Variants in KCNQ1OT1 observed in about 807,000 individuals in gnomAD.
KCNQ1OT1 encodes the protein KCNQ1 antisense RNA 2 (non-protein coding).
chr11:2,648,772 A>G, exon 1 of KCNQ1OT1: 1 of 398,488 alleles, frequency 2.5e-6, no homozygotes. Context: ...ATATTTTTCC[A>G]TCCAAATGAA....
Position 2,645,062 on chromosome 11 carries a change from G to GCATTGGCC in KCNQ1OT1, n.54932_54933insGGCCAATG. On this transcript the variant is annotated non_coding_transcript_exon_variant, in exon 1 of 1. Coordinates refer to ENST00000597346, the Ensembl canonical transcript of KCNQ1OT1. The surrounding 1 kb of genome is among the most constrained non-coding windows in gnomAD (Gnocchi z 5.8). ...ACTTGCTCAGGTGCCAATGATGACAGAGCTGGGCCACAGGGTGGGTAGGTC... is the reference window on the plus strand; with the variant it reads ...ACTTGCTCAGGTGCCAATGATGACAGCATTGGCCAGCTGGGCCACAGGGTGGGTAGGTC... 2.5e-6 allele frequency: 1 copy of GCATTGGCC among 398,804 alleles called. No individual in the cohort carries two copies. The highest frequency in any genetic ancestry group is 4.4e-6 in the Non-Finnish European group (1 of 226,180). 24.7% of individuals were successfully genotyped at this position (398,804 alleles called of 1,614,324 possible).
At chr11:2,667,738 T>C (rs1348217587) in exon 1 of KCNQ1OT1, 3 of 398,234 alleles carry the variant, frequency 7.5e-6, no homozygotes, top group Non-Finnish European at 1.3e-5. Flanking sequence ...AGTGAGGGAG[T>C]GGGATGGGGC....
At chr11:2,629,581 A>G (rs2133814357) in exon 1 of KCNQ1OT1, 1 of 398,492 alleles carries the variant, frequency 2.5e-6, no homozygotes, top group Non-Finnish European at 4.4e-6. Flanking sequence ...CATTTGTTGA[A>G]AAGAGAATCC....
exon 1 of KCNQ1OT1, chr11:2,619,577 T>G (rs910656170): frequency 5.0e-6 from 2 of 398,436 alleles, no homozygotes; most frequent in Non-Finnish European, 8.8e-6. Context: ...CAATATTTTA[T>G]TAAGGATTTT....
At chr11:2,672,875 T>G (rs1330056238) in exon 1 of KCNQ1OT1, 4 of 398,636 alleles carry the variant, frequency 1.0e-5, no homozygotes, top group Non-Finnish European at 1.8e-5. Context: ...CCTAGCCACC[T>G]GACTGTCAGG....
Position 2,664,271 on chromosome 11 carries a change from T to C in KCNQ1OT1, n.35724A>G, listed in dbSNP as rs1241669438. Reference sequence around the variant, plus strand: ...ACTGGGAGAGGGAAAAACAAGGAGGTTGCTGCAAAGGGGCCACCTTGAGGC... The same window carrying C: ...ACTGGGAGAGGGAAAAACAAGGAGGCTGCTGCAAAGGGGCCACCTTGAGGC... On this transcript the variant is annotated non_coding_transcript_exon_variant, in exon 1 of 1. Coordinates refer to ENST00000597346, the Ensembl canonical transcript of KCNQ1OT1. The surrounding 1 kb of genome is among the most constrained non-coding windows in gnomAD (Gnocchi z 5.1). The C allele has an allele frequency of 1.0e-5, 4 of 398,642 alleles. No homozygotes were observed. In the South Asian group the frequency reaches 3.8e-4, roughly 38 times the overall value. The allele number at this position is 398,642 out of a possible 1,614,324, so 24.7% of individuals were successfully genotyped here.
At chr11:2,675,959 A>T (rs762090404) in exon 1 of KCNQ1OT1, 21 of 398,544 alleles carry the variant, frequency 5.3e-5, no homozygotes, top group Middle Eastern at 6.2e-4. Context: ...TTCAGAGTAC[A>T]AAAGGGGTGA....
exon 1 of KCNQ1OT1, chr11:2,633,864 C>G: frequency 2.5e-6 from 1 of 398,572 alleles, no homozygotes; most frequent in Non-Finnish European, 4.4e-6. Flanking sequence ...TGCGCATATA[C>G]AAAATGTCAG....
chr11:2,682,222 T>C lies in KCNQ1OT1; in HGVS notation n.17773A>G. On this transcript the variant is annotated non_coding_transcript_exon_variant, in exon 1 of 1. Coordinates refer to ENST00000597346, the Ensembl canonical transcript of KCNQ1OT1. This position sits in a 1 kb window ranked among gnomAD's most constrained non-coding sequence, Gnocchi z 5.8. Reference sequence around the variant, plus strand: ...AGGCCAGGACTGTCTTATCCTGTGGTTCTTAGCTGAAATGTCCCTTCCTCA... The same window carrying C: ...AGGCCAGGACTGTCTTATCCTGTGGCTCTTAGCTGAAATGTCCCTTCCTCA... 1 of 398,586 alleles carries C rather than the reference T, an allele frequency of 2.5e-6. No homozygotes were observed. Among genetic ancestry groups the C allele is most frequent in the Non-Finnish European group, 4.4e-6 (1 of 226,076 alleles). 24.7% of individuals were successfully genotyped at this position (398,586 alleles called of 1,614,324 possible).
Position 2,698,725 on chromosome 11 carries a change from T to G in KCNQ1OT1, n.1270A>C, listed in dbSNP as rs987807164. On this transcript the variant is annotated non_coding_transcript_exon_variant, in exon 1 of 1. Transcript: ENST00000597346. This position sits in a 1 kb window ranked among gnomAD's most constrained non-coding sequence, Gnocchi z 5.1. ...CCAGACCCTGACTCCAGTCGCCAAC[T>G]CGGACCTCCCTTGGATCTCAACTCA... The G allele has an allele frequency of 2.3e-5, 9 of 398,682 alleles. No homozygotes were observed. Among genetic ancestry groups the G allele is most frequent in the Middle Eastern group, 6.2e-4 (1 of 1,612 alleles). 24.7% of individuals were successfully genotyped at this position (398,682 alleles called of 1,614,324 possible).
In KCNQ1OT1 at chr11:2,608,984, A is replaced by G; in HGVS notation, n.91011T>C. 1 of 398,260 alleles carries G rather than the reference A, an allele frequency of 2.5e-6. No homozygotes were observed. The highest frequency in any genetic ancestry group is 4.4e-6 in the Non-Finnish European group (1 of 226,016). The allele number at this position is 398,260 out of a possible 1,614,324, so 24.7% of individuals were successfully genotyped here. On this transcript the variant is annotated non_coding_transcript_exon_variant, in exon 1 of 1. Coordinates refer to ENST00000597346, the Ensembl canonical transcript of KCNQ1OT1. This position sits in a 1 kb window ranked among gnomAD's most constrained non-coding sequence, Gnocchi z 4.6. ...AAGGTTTGTTAATTTCAAAGAACCAAATTTTGGATTTGTTGACTTTATTAT... is the reference window on the plus strand; with the variant it reads ...AAGGTTTGTTAATTTCAAAGAACCAGATTTTGGATTTGTTGACTTTATTAT...
At position 2,674,396 on chromosome 11, in the gene KCNQ1OT1, CGT is replaced by C. The variant is rs923192309; in HGVS notation, n.25597_25598del. On this transcript the variant is annotated non_coding_transcript_exon_variant, in exon 1 of 1. Coordinates refer to ENST00000597346, the Ensembl canonical transcript of KCNQ1OT1. This position sits in a 1 kb window ranked among gnomAD's most constrained non-coding sequence, Gnocchi z 5.9. ...CCTGCTTAGGGAAGGTGCATGCGTG[CGT>C]GTGTGTGTGCGCGCCCGCGCGCACA... 3.3e-4 allele frequency: 49 copies of C among 148,286 alleles called. No individual in the cohort carries two copies. The highest frequency in any genetic ancestry group is 5.1e-4 in the Non-Finnish European group (35 of 68,266). 9.2% of individuals were successfully genotyped at this position (148,286 alleles called of 1,614,324 possible). A position where few individuals can be genotyped will look rare whatever the true frequency, so the allele number is the denominator to read the frequency against.
At position 2,668,012 on chromosome 11, in the gene KCNQ1OT1, T is replaced by C. The variant is rs1228799343; in HGVS notation, n.31983A>G. ...CTGACCTTGAGATTAACCACAGGCCTAACTGCTAGCAGCAAGGACCAGCTT... is the reference window on the plus strand; with the variant it reads ...CTGACCTTGAGATTAACCACAGGCCCAACTGCTAGCAGCAAGGACCAGCTT... On this transcript the variant is annotated non_coding_transcript_exon_variant, in exon 1 of 1. Coordinates refer to ENST00000597346, the Ensembl canonical transcript of KCNQ1OT1. The surrounding 1 kb of genome is among the most constrained non-coding windows in gnomAD (Gnocchi z 4.3). 1 of 398,556 alleles carries C rather than the reference T, an allele frequency of 2.5e-6. No individual in the cohort carries two copies. The highest frequency in any genetic ancestry group is 4.4e-6 in the Non-Finnish European group (1 of 226,102). 24.7% of individuals were successfully genotyped at this position (398,556 alleles called of 1,614,324 possible).
Position 2,691,286 on chromosome 11 carries a change from G to A in KCNQ1OT1, n.8709C>T. ...TTTGAGCCACTAATCAGGAAGGAGA[G>A]CTGACAAGAAAAAGGCGATGTCTCA... On this transcript the variant is annotated non_coding_transcript_exon_variant, in exon 1 of 1. Coordinates refer to ENST00000597346, the Ensembl canonical transcript of KCNQ1OT1. The surrounding 1 kb of genome is among the most constrained non-coding windows in gnomAD (Gnocchi z 6.4). The A allele has an allele frequency of 2.5e-6, 1 of 398,592 alleles. No homozygotes were observed. Among genetic ancestry groups the A allele is most frequent in the Non-Finnish European group, 4.4e-6 (1 of 226,064 alleles). 24.7% of individuals were successfully genotyped at this position (398,592 alleles called of 1,614,324 possible). A position where few individuals can be genotyped will look rare whatever the true frequency, so the allele number is the denominator to read the frequency against.
chr11:2,697,113 T>TA (rs1245916047), exon 1 of KCNQ1OT1: 1 of 398,624 alleles, frequency 2.5e-6, no homozygotes, highest in South Asian at 1.3e-4. Context: ...CTCACAAAGA[T>TA]AAAGAGTTTT....
exon 1 of KCNQ1OT1, chr11:2,622,968 T>C: frequency 2.5e-6 from 1 of 398,672 alleles, no homozygotes; most frequent in Non-Finnish European, 4.4e-6. Flanking sequence ...CATGTTGATA[T>C]GGTTTGGCTC....
rs1383035176 is a variant in KCNQ1OT1 at position 2,620,211 on chromosome 11, A to ATATATATATATT, written n.79783_79784insAATATATATATA. 2.0e-4 allele frequency: 53 copies of ATATATATATATT among 261,998 alleles called. No individual in the cohort carries two copies. Among genetic ancestry groups the ATATATATATATT allele is most frequent in the African/African-American group, 1.4e-3 (52 of 38,118 alleles). 16.2% of individuals were successfully genotyped at this position (261,998 alleles called of 1,614,324 possible). On this transcript the variant is annotated non_coding_transcript_exon_variant, in exon 1 of 1. Coordinates refer to ENST00000597346, the Ensembl canonical transcript of KCNQ1OT1. The surrounding 1 kb of genome is among the most constrained non-coding windows in gnomAD (Gnocchi z 4.5). ...TAAGTTCATTCATGTATATATATAT[A>ATATATATATATT]TTTTTTTTTTTTATTTTTTTTTTAG...
chr11:2,694,764 C>T (rs766564175), exon 1 of KCNQ1OT1: 20 of 398,296 alleles, frequency 5.0e-5, no homozygotes, highest in Non-Finnish European at 8.4e-5. Flanking sequence ...ACTAGAAAAG[C>T]GTAGCCTGTG....
In KCNQ1OT1 at chr11:2,613,919, A is replaced by C; in HGVS notation, n.86076T>G. ...TTCCCAAAAAAGTACTATTCTGTATATGCCCTTTTGAACTTTGCTTTTCTC... is the reference window on the plus strand; with the variant it reads ...TTCCCAAAAAAGTACTATTCTGTATCTGCCCTTTTGAACTTTGCTTTTCTC... On this transcript the variant is annotated non_coding_transcript_exon_variant, in exon 1 of 1. Transcript: ENST00000597346. The surrounding 1 kb of genome is among the most constrained non-coding windows in gnomAD (Gnocchi z 4.8). The C allele has an allele frequency of 2.5e-6, 1 of 398,588 alleles. No individual in the cohort carries two copies. Among genetic ancestry groups the C allele is most frequent in the Non-Finnish European group, 4.4e-6 (1 of 226,052 alleles). 24.7% of individuals were successfully genotyped at this position (398,588 alleles called of 1,614,324 possible). A position where few individuals can be genotyped will look rare whatever the true frequency, so the allele number is the denominator to read the frequency against.
Sources: allele counts gnomAD v4.1 joint callset, GRCh38; gene constraint gnomAD v4.1.1; non-coding constraint Gnocchi (gnomAD v3.1); transcripts MANE v1.5; gene names NCBI Gene and HGNC (gene_info 2026-07-23, HGNC 2026-07-21).